MINDY2: variants seen among roughly 807,000 people sequenced by gnomAD.
MINDY2 encodes ubiquitin carboxyl-terminal hydrolase MINDY-2.
A neutral mutation model predicts 68.2 loss-of-function variants in MINDY2; 52 were observed. The observed-to-expected ratio is 0.76, with a 90% CI of 0.61 to 0.96. MINDY2 has a LOEUF of 0.96. MINDY2 is among the 40% of genes least tolerant of loss of function. MINDY2 has a pLI of 0.00. For missense variants in MINDY2, 881 were observed against 773.4 expected (o/e 1.14, Z -1.65); for synonymous variants, 372 against 303.0 (o/e 1.23, Z -2.36).
At chr15:58,821,865 A>G (rs748051845) in intron 5 of MINDY2, 46 bp downstream of exon 5, 21 of 1,316,234 alleles carry the variant, frequency 1.6e-5, no homozygotes, top group Non-Finnish European at 2.0e-5. Context: ...TCTTGGCAAG[A>G]TAATTTTTCT....
chr15:58,774,647 A>G (rs1260587826), intron 1 of MINDY2, among the ~76,000 whole-genome samples: 2 of 152,118 alleles, frequency 1.3e-5, no homozygotes, highest in African/African-American at 4.8e-5. Context: ...GAAAACGGTA[A>G]TTGGGGAGGG....
rs1255462830 is a variant in MINDY2 at position 58,854,684 on chromosome 15, G to A, written c.*74G>A. ...CCACAGGAGGAAAGGAAGAAAAACC[G>A]ATCAATACCGTCTGTGCCTGATTTC... On this transcript the variant is annotated 3_prime_UTR_variant, in exon 9 of 9. Transcript: ENST00000559228. 6.7e-6 allele frequency: 10 copies of A among 1,490,480 alleles called. No homozygotes were observed. Among genetic ancestry groups the A allele is most frequent in the Non-Finnish European group, 9.0e-6 (10 of 1,116,494 alleles). 92.3% of individuals were successfully genotyped at this position (1,490,480 alleles called of 1,614,324 possible).
At chr15:58,813,579 A>G (rs347112) in intron 4 of MINDY2, among the ~76,000 whole-genome samples, 47,112 of 151,924 alleles carry the variant, frequency 0.31, 8,352 homozygotes, top group East Asian at 0.62. Context: ...GGGTTATATC[A>G]TAGTTGCTTG....
chr15:58,851,890 C>T lies in MINDY2; in HGVS notation c.1662C>T (p.Asp554=), dbSNP rs201692637. ...ELAKKLQEEE[D]RRASQYYQEQ... ...CAAAGAAACTCCAAGAGGAAGAGGA[C>T]AGACGGGCTTCTCAATACTATCAGG... The change falls in exon 8 of 9, where the codon GAC becomes GAT. Residue 554 remains aspartate (D), a synonymous_variant. Transcript: ENST00000559228. The T allele has an allele frequency of 5.6e-6, 9 of 1,613,040 alleles. No individual in the cohort carries two copies. Among genetic ancestry groups the T allele is most frequent in the Non-Finnish European group, 7.6e-6 (9 of 1,179,782 alleles).
chr15:58,794,468 C>T (rs555089765), intron 2 of MINDY2, among the ~76,000 whole-genome samples: 1 of 151,136 alleles, frequency 6.6e-6, no homozygotes, highest in East Asian at 2.0e-4. Flanking sequence ...AGAGACATCT[C>T]CATACATATT....
chr15:58,805,110 A>G (rs1474550338), intron 3 of MINDY2, among the ~76,000 whole-genome samples: 2 of 152,254 alleles, frequency 1.3e-5, no homozygotes, highest in Non-Finnish European at 2.9e-5. Flanking sequence ...GTTGAAACAA[A>G]GGATATCTAA....
chr15:58,854,696 C>A lies in MINDY2; in HGVS notation c.*86C>A, dbSNP rs767721786. ...AGGAAGAAAAACCGATCAATACCGT[C>A]TGTGCCTGATTTCCTAATGGATTTT... On this transcript the variant is annotated 3_prime_UTR_variant, in exon 9 of 9. Coordinates refer to ENST00000559228, the MANE Select transcript of MINDY2 (RefSeq NM_001040450.3). 3 of 1,434,098 alleles carry A rather than the reference C, an allele frequency of 2.1e-6. No homozygotes were observed. Among genetic ancestry groups the A allele is most frequent in the Non-Finnish European group, 2.8e-6 (3 of 1,078,312 alleles). The allele number at this position is 1,434,098 out of a possible 1,614,324, so 88.8% of individuals were successfully genotyped here. A position where few individuals can be genotyped will look rare whatever the true frequency, so the allele number is the denominator to read the frequency against.
At chr15:58,811,706 T>C (rs1455038597) in intron 4 of MINDY2, among the ~76,000 whole-genome samples, 1 of 152,192 alleles carries the variant, frequency 6.6e-6, no homozygotes, top group African/African-American at 2.4e-5. Context: ...TTTCCTCTAG[T>C]AGCTCCCTTT....
At chr15:58,850,582 C>A (rs565685685) in intron 7 of MINDY2, among the ~76,000 whole-genome samples, 147 of 152,022 alleles carry the variant, frequency 9.7e-4, no homozygotes, top group African/African-American at 3.4e-3. Context: ...TTCTTTAAAC[C>A]AATTTACTTA....
At position 58,857,557 on chromosome 15, in the gene MINDY2, T is replaced by C. The variant is rs76751232; in HGVS notation, c.*2947T>C. 1 of 112,508 alleles carries C rather than the reference T, an allele frequency of 8.9e-6. No homozygotes were observed. Among genetic ancestry groups the C allele is most frequent in the Non-Finnish European group, 2.0e-5 (1 of 50,468 alleles). 7.0% of individuals were successfully genotyped at this position (112,508 alleles called of 1,614,324 possible). Reference sequence around the variant, plus strand: ...TCAAAAAAAAAAAAAAAAAAAAAATTAGAGCTATTGTGTCTTTATTTTCTT... The same window carrying C: ...TCAAAAAAAAAAAAAAAAAAAAAATCAGAGCTATTGTGTCTTTATTTTCTT... On this transcript the variant is annotated 3_prime_UTR_variant, in exon 9 of 9. Transcript: ENST00000559228.
intron 4 of MINDY2, among the ~76,000 whole-genome samples, chr15:58,812,009 A>G (rs951463219): frequency 8.5e-5 from 13 of 152,246 alleles, no homozygotes; most frequent in African/African-American, 2.9e-4. Context: ...TTTAAAAGAA[A>G]AAGACAAAGG....
chr15:58,809,867 C>A (rs115612944), intron 3 of MINDY2, among the ~76,000 whole-genome samples: 4,922 of 152,264 alleles, frequency 0.032, 283 homozygotes, highest in African/African-American at 0.11. Context: ...GCAACCTACA[C>A]CTACTGGGTT....
At chr15:58,834,907 A>T (rs1595765462) in intron 6 of MINDY2, among the ~76,000 whole-genome samples, 1 of 152,300 alleles carries the variant, frequency 6.6e-6, no homozygotes, top group East Asian at 1.9e-4. Context: ...TTTTAGCTAG[A>T]TGTATGTCAG....
chr15:58,798,459 T>A (rs1346118550), intron 2 of MINDY2, among the ~76,000 whole-genome samples: 12 of 35,142 alleles, frequency 3.4e-4, no homozygotes, highest in East Asian at 0.029. Flanking sequence ...TAAAAAAAAA[T>A]TTTTTTTTTT....
intron 1 of MINDY2, among the ~76,000 whole-genome samples, chr15:58,776,306 C>T (rs1388517738): frequency 6.6e-6 from 1 of 152,174 alleles, no homozygotes; most frequent in African/African-American, 2.4e-5. Context: ...CATCCTGCCT[C>T]AGTCTCCCCA....
chr15:58,777,205 G>A (rs1385679870), intron 1 of MINDY2, among the ~76,000 whole-genome samples: 1 of 152,220 alleles, frequency 6.6e-6, no homozygotes, highest in African/African-American at 2.4e-5. Flanking sequence ...GGAGCAGGAA[G>A]AATGACTGGT....
chr15:58,832,012 C>T (rs1487570754), intron 6 of MINDY2, 96 bp downstream of exon 6: 10 of 1,088,448 alleles, frequency 9.2e-6, no homozygotes, highest in South Asian at 2.0e-5. Context: ...AAGATTTTAG[C>T]GTAATATTTC....
intron 5 of MINDY2, among the ~76,000 whole-genome samples, chr15:58,829,614 G>T (rs2031605791): frequency 1.3e-5 from 2 of 152,174 alleles, no homozygotes; most frequent in African/African-American, 4.8e-5. Flanking sequence ...GGGTGAGTAA[G>T]GTATGGAAGG....
At chr15:58,773,267 A>G (rs1216056103) in intron 1 of MINDY2, among the ~76,000 whole-genome samples, 9 of 152,234 alleles carry the variant, frequency 5.9e-5, no homozygotes, top group Non-Finnish European at 1.0e-4. Context: ...CCTGGGCAAT[A>G]CAGTGAGACC....
Sources: gnomAD v4.1 joint callset for allele counts (sites outside exome capture counted in the v4.1 genomes callset) on GRCh38, gnomAD v4.1.1 for gene constraint, MANE v1.5 for transcripts, NCBI Gene and HGNC (gene_info 2026-07-23, HGNC 2026-07-21) for gene names.